BSN: variants seen among roughly 807,000 people sequenced by gnomAD.
BSN encodes bassoon presynaptic cytomatrix protein.
A neutral mutation model predicts 264.8 loss-of-function variants in BSN; 57 were observed. The observed-to-expected ratio is 0.22, with a 90% confidence interval of 0.17 to 0.27. BSN has a LOEUF of 0.27. Among genes scored for constraint, BSN ranks in the 10% least tolerant of loss-of-function variants. The pLI is 1.00. For synonymous variants in BSN, 2,059 were observed against 2,137.3 expected (o/e 0.96, Z 1.01); for missense variants, 4,615 against 5,232.5 (o/e 0.88, Z 3.64).
chr3:49,618,138 A>C (rs541218617), intron 1 of BSN, among the ~76,000 whole-genome samples: 25 of 152,062 alleles, frequency 1.6e-4, no homozygotes, highest in African/African-American at 6.0e-4. Flanking sequence ...TCTGTGAACA[A>C]GACCTGTAAC....
chr3:49,650,260 T>C (rs1400916522), intron 3 of BSN, among the ~76,000 whole-genome samples: 2 of 152,162 alleles, frequency 1.3e-5, no homozygotes, highest in Non-Finnish European at 2.9e-5. Flanking sequence ...CTAGGAGCCG[T>C]TTGCTCCCTC....
rs138089746 is a variant in BSN at position 49,610,354 on chromosome 3, G to A, written c.225-14621G>A. Among the ~76,000 whole-genome samples, 919 of 152,130 alleles carry A rather than the reference G, an allele frequency of 6.0e-3. 13 individuals carry two copies. The highest frequency in any genetic ancestry group is 0.02 in the African/African-American group (848 of 41,496). On this transcript the variant is annotated intron_variant, in intron 1 of 11. Coordinates refer to ENST00000296452, the MANE Select transcript of BSN (RefSeq NM_003458.4). The stretch of plus-strand genomic sequence containing the variant: ...ATTTTACTACCTGTTATTTCTAGGC[G>A]GGTGGATCACCTGAGATCAGGAGTT...
Position 49,651,936 on chromosome 3 carries a change from A to G in BSN, c.2380A>G (p.Arg794Gly), listed in dbSNP as rs776088006. The change falls in exon 5 of 12, where the codon AGA becomes GGA. Residue 794 changes from arginine (R) to glycine (G), a missense_variant. This residue lies in a region of BSN where 1,197 missense variants were observed against 1,348.0 expected (regional missense o/e 0.89). Transcript: ENST00000296452. This position sits in a 1 kb window ranked among gnomAD's most constrained non-coding sequence, Gnocchi z 5.4. ...DEDSAEWRRR[R>G]EQQDTAESSD... ...AGACTCTGCTGAGTGGAGGCGCCGG[A>G]GAGAGCAGCAGGACACTGCCGAGTC... 1.6e-5 allele frequency: 26 copies of G among 1,613,520 alleles called. No homozygotes were observed. In the Admixed American group the frequency reaches 4.3e-4, roughly 27 times the overall value.
chr3:49,616,745 T>A (rs971816830), intron 1 of BSN, among the ~76,000 whole-genome samples: 1 of 152,194 alleles, frequency 6.6e-6, no homozygotes, highest in Non-Finnish European at 1.5e-5. Context: ...CTCCTGGTGG[T>A]TCTGCCATTA....
rs1190227993 is a variant in BSN at position 49,655,792 on chromosome 3, C to T, written c.6236C>T (p.Ala2079Val). ...SDHRYGPRGD[A>V]VGFQEASLAQ... Reference sequence around the variant, plus strand: ...CACAGGTACGGCCCACGGGGAGATGCAGTTGGCTTCCAGGAGGCCAGCCTG... The same window carrying T: ...CACAGGTACGGCCCACGGGGAGATGTAGTTGGCTTCCAGGAGGCCAGCCTG... Residue 2079 changes from alanine (A) to valine (V), a missense_variant, in exon 5 of 12, where the codon GCA becomes GTA. This residue lies in a region of BSN where 3,415 missense variants were observed against 3,866.4 expected (regional missense o/e 0.88). Coordinates refer to ENST00000296452, the MANE Select transcript of BSN (RefSeq NM_003458.4). 2 of 1,613,316 alleles carry T rather than the reference C, an allele frequency of 1.2e-6. No homozygotes were observed. The highest frequency in any genetic ancestry group is 1.7e-5 in the Admixed American group (1 of 60,010).
Position 49,652,280 on chromosome 3 carries a change from G to A in BSN, c.2724G>A (p.Leu908=). Residue 908 remains leucine (L), a synonymous_variant, in exon 5 of 12, where the codon CTG becomes CTA. Transcript: ENST00000296452. ...PHNATTGYEE[L]LPEGGSAEAT... ...ATGCCACCACGGGCTATGAGGAGCTGCTCCCTGAGGGAGGCTCAGCAGAGG... is the reference window on the plus strand; with the variant it reads ...ATGCCACCACGGGCTATGAGGAGCTACTCCCTGAGGGAGGCTCAGCAGAGG... The A allele has an allele frequency of 6.3e-7, 1 of 1,598,612 alleles. No homozygotes were observed. The highest frequency in any genetic ancestry group is 8.5e-7 in the Non-Finnish European group (1 of 1,171,480).
In BSN at chr3:49,653,492, C is replaced by G; in HGVS notation, c.3936C>G (p.Thr1312=). 1 of 1,613,902 alleles carries G rather than the reference C, an allele frequency of 6.2e-7. No homozygotes were observed. Among genetic ancestry groups the G allele is most frequent in the East Asian group, 2.2e-5 (1 of 44,874 alleles). ...ATGGTGGCCCCCTTACCCCTGGTACCAGTCCCACCCAGCTCGCTGCCCCTG... is the reference window on the plus strand; with the variant it reads ...ATGGTGGCCCCCTTACCCCTGGTACGAGTCCCACCCAGCTCGCTGCCCCTG... ...KQNGGPLTPG[T]SPTQLAAPVS... The change falls in exon 5 of 12, where the codon ACC becomes ACG. Residue 1312 remains threonine, a synonymous_variant. Coordinates refer to ENST00000296452, the MANE Select transcript of BSN (RefSeq NM_003458.4). This position sits in a 1 kb window ranked among gnomAD's most constrained non-coding sequence, Gnocchi z 6.3.
rs750341871 is a variant in BSN at position 49,654,153 on chromosome 3, G to A, written c.4597G>A (p.Gly1533Ser). The A allele has an allele frequency of 6.2e-7, 1 of 1,614,008 alleles. No individual in the cohort carries two copies. The highest frequency in any genetic ancestry group is 2.2e-5 in the East Asian group (1 of 44,876). Residue 1533 changes from glycine (G) to serine (S), a missense_variant, in exon 5 of 12, where the codon GGT becomes AGT. Coordinates refer to ENST00000296452, the MANE Select transcript of BSN (RefSeq NM_003458.4). The surrounding 1 kb of genome is among the most constrained non-coding windows in gnomAD (Gnocchi z 4.1). ...APTPSPMVAQ[G>S]TQTPHRPSTP... ...CACTCCATCACCTATGGTAGCCCAG[G>A]GTACACAAACACCACATCGACCCAG...
chr3:49,562,509 G>A (rs1304215150), intron 1 of BSN, among the ~76,000 whole-genome samples: 2 of 152,150 alleles, frequency 1.3e-5, no homozygotes, highest in African/African-American at 2.4e-5. Flanking sequence ...TGATTAAAAG[G>A]GGTTGCATTA....
chr3:49,639,641 T>G (rs2052446351), intron 2 of BSN, among the ~76,000 whole-genome samples: 1 of 152,200 alleles, frequency 6.6e-6, no homozygotes, highest in South Asian at 2.1e-4. Context: ...GGGTTTGCAG[T>G]GCTGACTTCT....
intron 1 of BSN, among the ~76,000 whole-genome samples, chr3:49,592,464 A>G (rs2051985929): frequency 6.7e-6 from 1 of 149,448 alleles, no homozygotes; most frequent in African/African-American, 2.4e-5. Flanking sequence ...AAGAAATAAT[A>G]CAGAGAGGGC....
At chr3:49,575,368 G>A (rs1559595626) in intron 1 of BSN, among the ~76,000 whole-genome samples, 1 of 149,138 alleles carries the variant, frequency 6.7e-6, no homozygotes, top group East Asian at 1.9e-4. Flanking sequence ...ATATATATGT[G>A]TGTGTATATA....
chr3:49,639,813 C>G (rs1011852644), intron 2 of BSN, among the ~76,000 whole-genome samples: 2 of 152,242 alleles, frequency 1.3e-5, no homozygotes, highest in African/African-American at 4.8e-5. Flanking sequence ...GCTAAAACAT[C>G]TCAGATCTTG....
chr3:49,620,763 C>T (rs1016105649), intron 1 of BSN, among the ~76,000 whole-genome samples: 5 of 152,050 alleles, frequency 3.3e-5, no homozygotes, highest in South Asian at 2.1e-4. Context: ...CTGAGGTGGG[C>T]GGATCACTTG....
chr3:49,642,436 G>T lies in BSN; in HGVS notation c.802G>T (p.Gly268Cys). Residue 268 changes from glycine (G) to cysteine (C), a missense_variant, in exon 3 of 12, where the codon GGC (glycine) becomes TGC (cysteine). Gly to Cys is a radical substitution (Grantham distance 159, BLOSUM62 -3). Around this residue, in one of 3 missense-constraint regions of BSN, gnomAD observed 1,197 missense variants for 1,348.0 expected, o/e 0.89. Transcript: ENST00000296452. This position sits in a 1 kb window ranked among gnomAD's most constrained non-coding sequence, Gnocchi z 7.0. ...GAAGCCAGACCAAGAGAGATCTCGG[G>T]GCCCAGGAGGACCACAGCCTGGGTC... is the stretch of plus-strand genomic sequence containing the variant. ...LGKPDQERSR[G>C]PGGPQPGSRQ... 1 of 1,597,934 alleles carries T rather than the reference G, an allele frequency of 6.3e-7. No individual in the cohort carries two copies. Among genetic ancestry groups the T allele is most frequent in the South Asian group, 1.1e-5 (1 of 88,758 alleles).
intron 2 of BSN, among the ~76,000 whole-genome samples, chr3:49,635,096 A>C (rs910191481): frequency 6.6e-6 from 1 of 152,134 alleles, no homozygotes; most frequent in African/African-American, 2.4e-5. Flanking sequence ...TAGGAGATGG[A>C]GATAGAGAAT....
chr3:49,603,635 C>T (rs1367614329), intron 1 of BSN, among the ~76,000 whole-genome samples: 2 of 152,174 alleles, frequency 1.3e-5, no homozygotes, highest in African/African-American at 4.8e-5. Context: ...AGGTGAGGAT[C>T]TCTGCAGTCC....
intron 1 of BSN, among the ~76,000 whole-genome samples, chr3:49,606,674 T>C (rs2052155124): frequency 1.3e-5 from 2 of 151,950 alleles, no homozygotes; most frequent in South Asian, 4.2e-4. Flanking sequence ...CCTGACCCCT[T>C]CCACCTCCCC....
chr3:49,554,631 G>GCGCCGGCGACGGGC lies in BSN; in HGVS notation c.32_33insCGGCGACGGGCCGC (p.Pro17AlafsTer120), dbSNP rs2051648744. 1.0e-6 allele frequency: 1 copy of GCGCCGGCGACGGGC among 982,778 alleles called. No homozygotes were observed. Among genetic ancestry groups the GCGCCGGCGACGGGC allele is most frequent in the South Asian group, 4.5e-5 (1 of 22,084 alleles). 60.9% of individuals were successfully genotyped at this position (982,778 alleles called of 1,614,324 possible). ...GGCAACGAGGTCAGCCTGGAGGGCG[G>GCGCCGGCGACGGGC]CGCTGGCGACGGGCCGCTGCCGCCC... is the stretch of plus-strand genomic sequence containing the variant. On this transcript the variant is annotated frameshift_variant, in exon 1 of 12. Coordinates refer to ENST00000296452, the MANE Select transcript of BSN (RefSeq NM_003458.4). LOFTEE classifies it high-confidence loss of function.
Sources: allele counts gnomAD v4.1 joint callset (sites outside exome capture counted in the v4.1 genomes callset), GRCh38; gene constraint gnomAD v4.1.1; regional missense constraint gnomAD v4.1.1; non-coding constraint Gnocchi (gnomAD v3.1); transcripts MANE v1.5; gene names NCBI Gene and HGNC (gene_info 2026-07-23, HGNC 2026-07-21).